The following LHFPL6 variants were observed in gnomAD, a reference collection of about 807,000 sequenced individuals.
The protein encoded by LHFPL6 is LHFPL tetraspan subfamily member 6.
Under a neutral mutation model 20.6 loss-of-function variants are expected in LHFPL6, and 9 were observed. The ratio of observed to expected loss-of-function variants is 0.44; its 90% CI spans 0.26 to 0.76. LHFPL6 has a LOEUF of 0.76. Ranked by LOEUF, LHFPL6 falls within the 30% of genes least tolerant of loss-of-function variation. LHFPL6 has a pLI of 0.20. For missense variants in LHFPL6, 218 were observed against 253.5 expected (o/e 0.86, Z 0.95); for synonymous variants, 105 against 98.7 (o/e 1.06, Z -0.38).
intron 2 of LHFPL6, among the ~76,000 whole-genome samples, chr13:39,475,936 GGAAAGAGCTCCACAAT>G (rs1316742649): frequency 7.2e-5 from 11 of 152,132 alleles, no homozygotes; most frequent in South Asian, 4.2e-4. Flanking sequence ...TCCAACCCAA[GGAAAGAGCTCCACAAT>G]GAAGGGAATA....
rs183172487 is a variant in LHFPL6 at position 39,555,442 on chromosome 13, G to A, written c.385+45390C>T. ...ATTATAGCATTCAGATGAAAGTTCT[G>A]TAATCACACACACACTGTGCCTCTA... is the stretch of plus-strand genomic sequence containing the variant. On this transcript the variant is annotated intron_variant, in intron 2 of 3. Coordinates refer to ENST00000379589, the MANE Select transcript of LHFPL6 (RefSeq NM_005780.3). 1.3e-3 allele frequency among the ~76,000 whole-genome samples: 192 copies of A among 151,084 alleles called. 3 individuals are homozygous for A. The highest frequency in any genetic ancestry group is 0.011 in the Admixed American group (165 of 15,108).
chr13:39,390,768 G>A (rs1275109170), intron 2 of LHFPL6, among the ~76,000 whole-genome samples: 1 of 152,194 alleles, frequency 6.6e-6, no homozygotes, highest in East Asian at 1.9e-4. Flanking sequence ...GCCGAGACGG[G>A]CGGATTGCTT....
chr13:39,490,303 T>C (rs1292030040), intron 2 of LHFPL6, among the ~76,000 whole-genome samples: 1 of 152,144 alleles, frequency 6.6e-6, no homozygotes, highest in Admixed American at 6.5e-5. Flanking sequence ...AGAGCCACAA[T>C]ACAAGCGCAA....
At chr13:39,582,977 T>C (rs927515) in intron 2 of LHFPL6, among the ~76,000 whole-genome samples, 127,366 of 152,084 alleles carry the variant, frequency 0.84, 53,549 homozygotes, top group East Asian at 0.93. Context: ...AAGTCTCAGG[T>C]GGAGAGCAAA....
intron 2 of LHFPL6, among the ~76,000 whole-genome samples, chr13:39,410,287 C>T (rs1211601036): frequency 6.6e-6 from 1 of 152,230 alleles, no homozygotes; most frequent in Non-Finnish European, 1.5e-5. Context: ...ACTGCTTTGT[C>T]CTCAGCAGTA....
intron 2 of LHFPL6, among the ~76,000 whole-genome samples, chr13:39,393,514 G>T (rs1050868537): frequency 1.3e-5 from 2 of 152,148 alleles, no homozygotes; most frequent in African/African-American, 4.8e-5. Context: ...CAGGTGAAGA[G>T]AACAGGCTGG....
intron 3 of LHFPL6, among the ~76,000 whole-genome samples, chr13:39,374,799 C>A (rs973137699): frequency 6.6e-6 from 1 of 152,162 alleles, no homozygotes; most frequent in African/African-American, 2.4e-5. Context: ...CATCTGCCTC[C>A]CTTGCTAATT....
At chr13:39,506,875 T>C (rs746650191) in intron 2 of LHFPL6, among the ~76,000 whole-genome samples, 1 of 152,220 alleles carries the variant, frequency 6.6e-6, no homozygotes, top group Non-Finnish European at 1.5e-5. Context: ...CATTCCCTTA[T>C]TAAATTCTGA....
At chr13:39,391,029 T>C (rs1295653035) in intron 2 of LHFPL6, among the ~76,000 whole-genome samples, 1 of 151,954 alleles carries the variant, frequency 6.6e-6, no homozygotes, top group African/African-American at 2.4e-5. Flanking sequence ...AAAATAAGAA[T>C]CCAATCCAAA....
chr13:39,501,597 T>G (rs755605858), intron 2 of LHFPL6, among the ~76,000 whole-genome samples: 3 of 152,186 alleles, frequency 2.0e-5, no homozygotes, highest in African/African-American at 7.2e-5. Flanking sequence ...CTCAACTTTA[T>G]TGACACTGTT....
At chr13:39,462,229 G>C (rs1872706219) in intron 2 of LHFPL6, among the ~76,000 whole-genome samples, 1 of 152,178 alleles carries the variant, frequency 6.6e-6, no homozygotes, top group Non-Finnish European at 1.5e-5. Flanking sequence ...ACCTTTAGAA[G>C]AAGAGGCAGC....
intron 2 of LHFPL6, among the ~76,000 whole-genome samples, chr13:39,501,723 C>A (rs543902126): frequency 6.6e-6 from 1 of 152,150 alleles, no homozygotes. Context: ...ATGGAGAGGG[C>A]AGGCTGGAAC....
Position 39,378,427 on chromosome 13 carries a change from C to T in LHFPL6, c.484+1G>A, listed in dbSNP as rs1870351161. ...GAGTGCCATCCATGAAGAAAGCTTACCCAGGTCAAACTGGCCAGAAGTGTA... is the reference window on the plus strand; with the variant it reads ...GAGTGCCATCCATGAAGAAAGCTTATCCAGGTCAAACTGGCCAGAAGTGTA... On this transcript the variant is annotated splice_donor_variant, in intron 3 of 3. Transcript: ENST00000379589. LOFTEE classifies it high-confidence loss of function. 1 of 1,612,906 alleles carries T rather than the reference C, an allele frequency of 6.2e-7. No individual in the cohort carries two copies. Among genetic ancestry groups the T allele is most frequent in the African/African-American group, 1.3e-5 (1 of 74,862 alleles).
At chr13:39,590,116 T>C (rs1229029095) in intron 2 of LHFPL6, among the ~76,000 whole-genome samples, 1 of 152,144 alleles carries the variant, frequency 6.6e-6, no homozygotes. Flanking sequence ...CAGTAACTAA[T>C]GGGATAACTT....
chr13:39,371,061 G>C (rs1216724727), intron 3 of LHFPL6, among the ~76,000 whole-genome samples: 1 of 152,106 alleles, frequency 6.6e-6, no homozygotes, highest in Non-Finnish European at 1.5e-5. Context: ...TAAAGTAGAA[G>C]AGATTTCTTC....
intron 3 of LHFPL6, among the ~76,000 whole-genome samples, chr13:39,371,852 C>A (rs1870175031): frequency 6.6e-6 from 1 of 152,146 alleles, no homozygotes; most frequent in African/African-American, 2.4e-5. Flanking sequence ...CAAAGCTGGC[C>A]CAATTAGAGT....
intron 2 of LHFPL6, among the ~76,000 whole-genome samples, chr13:39,430,632 T>C (rs1360731923): frequency 6.6e-6 from 1 of 152,176 alleles, no homozygotes; most frequent in Non-Finnish European, 1.5e-5. Flanking sequence ...CTAGCTAAAG[T>C]TTTGCAAACG....
rs76035876 is a variant in LHFPL6 at position 39,375,035 on chromosome 13, C to T, written c.484+3393G>A. On this transcript the variant is annotated intron_variant, in intron 3 of 3. Coordinates refer to ENST00000379589, the MANE Select transcript of LHFPL6 (RefSeq NM_005780.3). The stretch of plus-strand genomic sequence containing the variant: ...GAGTAACAACATATCAAAAACAGCA[C>T]GTCAACAAAGAGACACGTATTCTCC... Among the ~76,000 whole-genome samples, 1,090 of 152,284 alleles carry T rather than the reference C, an allele frequency of 7.2e-3. 14 individuals carry two copies. The highest frequency in any genetic ancestry group is 0.025 in the African/African-American group (1,042 of 41,552).
intron 2 of LHFPL6, among the ~76,000 whole-genome samples, chr13:39,423,412 A>C (rs1264082076): frequency 6.6e-6 from 1 of 152,052 alleles, no homozygotes; most frequent in Admixed American, 6.6e-5. Flanking sequence ...GCTTGGGGAA[A>C]GAAAGGCTTC....
Sources: gnomAD v4.1 joint callset for allele counts (sites outside exome capture counted in the v4.1 genomes callset) on GRCh38, gnomAD v4.1.1 for gene constraint, MANE v1.5 for transcripts, NCBI Gene and HGNC (gene_info 2026-07-23, HGNC 2026-07-21) for gene names.